AGAP3: variants seen among roughly 807,000 people sequenced by gnomAD.
AGAP3 encodes ArfGAP with GTPase domain, ankyrin repeat and PH domain 3, also known as arf-GAP with GTPase, ANK repeat and PH domain-containing protein 3.
A neutral mutation model predicts 96.9 loss-of-function variants in AGAP3; 24 were observed. The observed-to-expected ratio is 0.25, with a 90% CI of 0.18 to 0.35. The LOEUF (loss-of-function observed/expected upper bound fraction) is 0.35, where lower values mean the gene tolerates loss of function less well. Among genes scored for constraint, AGAP3 ranks in the 10% least tolerant of loss-of-function variants. AGAP3 has a pLI of 1.00. For synonymous variants in AGAP3, 563 were observed against 536.1 expected (o/e 1.05, Z -0.69); for missense variants, 876 against 1,254.2 (o/e 0.70, Z 4.55).
At chr7:151,097,842 G>A (rs1433630632) in intron 1 of AGAP3, among the ~76,000 whole-genome samples, 1 of 152,132 alleles carries the variant, frequency 6.6e-6, no homozygotes, top group Non-Finnish European at 1.5e-5. Flanking sequence ...CACACATCCA[G>A]ACCATATCAA....
chr7:151,093,801 A>G (rs1798491811), intron 1 of AGAP3, among the ~76,000 whole-genome samples: 2 of 152,190 alleles, frequency 1.3e-5, no homozygotes, highest in African/African-American at 4.8e-5. Context: ...CTGCTCTGCC[A>G]CTAACTGGCT....
rs1337446711 is a variant in AGAP3 at position 151,089,029 on chromosome 7, C to G, written c.331+1957C>G. On this transcript the variant is annotated intron_variant, in intron 1 of 17. Coordinates refer to ENST00000397238, the MANE Select transcript of AGAP3 (RefSeq NM_031946.7). ...CACATCCGTTCTCAGCCCTGCTGTT[C>G]CCACTCCTGGGCCCTGCTGCCCTGC... is the stretch of plus-strand genomic sequence containing the variant. Among the ~76,000 whole-genome samples the G allele has an allele frequency of 2.6e-5, 4 of 152,224 alleles. No homozygotes were observed. In the South Asian group the frequency reaches 8.3e-4, roughly 32 times the overall value.
chr7:151,114,609 G>A lies in AGAP3; in HGVS notation c.332-2184G>A. The A allele has an allele frequency of 3.0e-6, 2 of 662,110 alleles. No individual in the cohort carries two copies. The highest frequency in any genetic ancestry group is 3.8e-6 in the Non-Finnish European group (2 of 532,714). The allele number at this position is 662,110 out of a possible 1,614,324, so 41.0% of individuals were successfully genotyped here. The stretch of plus-strand genomic sequence containing the variant: ...GCTGGGCTGACTCCCGGCCTCTCCA[G>A]GTCTGGGCTTGCCGGCCGCGAGGTG... On this transcript the variant is annotated intron_variant, in intron 1 of 17. Transcript: ENST00000397238. The surrounding 1 kb of genome is among the most constrained non-coding windows in gnomAD (Gnocchi z 4.4).
At chr7:151,107,117 C>G (rs980638520) in intron 1 of AGAP3, among the ~76,000 whole-genome samples, 3 of 152,086 alleles carry the variant, frequency 2.0e-5, no homozygotes, top group African/African-American at 7.2e-5. Flanking sequence ...CGAGACCAGC[C>G]TGGCCAACAT....
chr7:151,142,283 TG>T lies in AGAP3; in HGVS notation c.2050+34del. On this transcript the variant is annotated intron_variant, in intron 15 of 17. Coordinates refer to ENST00000397238, the MANE Select transcript of AGAP3 (RefSeq NM_031946.7). The surrounding 1 kb of genome is among the most constrained non-coding windows in gnomAD (Gnocchi z 7.5). Reference sequence around the variant, plus strand: ...GTGCAAGGCTGGTGGGGCTGGGAGCTGGGGATGGCCCAGGGAAAGCTTCGCA... The same window carrying T: ...GTGCAAGGCTGGTGGGGCTGGGAGCTGGGATGGCCCAGGGAAAGCTTCGCA... The T allele has an allele frequency of 1.2e-6, 2 of 1,609,380 alleles. No homozygotes were observed. Among genetic ancestry groups the T allele is most frequent in the Non-Finnish European group, 8.5e-7 (1 of 1,177,968 alleles).
intron 1 of AGAP3, among the ~76,000 whole-genome samples, chr7:151,102,633 C>T (rs554503002): frequency 6.7e-6 from 1 of 150,250 alleles, no homozygotes; most frequent in South Asian, 2.1e-4. Flanking sequence ...TTTTTTGAGA[C>T]AGGGTCTCGC....
chr7:151,106,044 A>T (rs1229733871), intron 1 of AGAP3, among the ~76,000 whole-genome samples: 1 of 151,980 alleles, frequency 6.6e-6, no homozygotes, highest in African/African-American at 2.4e-5. Context: ...AGCACCCAAT[A>T]TTCCTTTGAA....
chr7:151,112,972 G>A (rs1799360624), intron 1 of AGAP3, among the ~76,000 whole-genome samples: 1 of 152,262 alleles, frequency 6.6e-6, no homozygotes, highest in South Asian at 2.1e-4. Flanking sequence ...GACCTCAGGT[G>A]ATCCGCCTGC....
In AGAP3 at chr7:151,138,310, C is replaced by A; in HGVS notation, c.1663C>A (p.Pro555Thr). The change falls in exon 12 of 18, where the codon CCT becomes ACT. Residue 555 changes from proline (P) to threonine (T), a missense_variant. Pro to Thr is a conservative substitution (Grantham distance 38). Coordinates refer to ENST00000397238, the MANE Select transcript of AGAP3 (RefSeq NM_031946.7). ...TTCCCTGCCCCCAGGCATGCAGCACCCTGGTGAGTGGTGGCTCTGCTGCTT... is the reference window on the plus strand; with the variant it reads ...TTCCCTGCCCCCAGGCATGCAGCACACTGGTGAGTGGTGGCTCTGCTGCTT... Reference protein sequence around the residue: ...TTSLPPGMQHPASGPAEVLSS... With the variant: ...TTSLPPGMQHTASGPAEVLSS... The A allele has an allele frequency of 6.2e-7, 1 of 1,609,370 alleles. No homozygotes were observed. The highest frequency in any genetic ancestry group is 1.7e-5 in the Admixed American group (1 of 59,790).
chr7:151,114,311 T>A lies in AGAP3; in HGVS notation c.332-2482T>A, dbSNP rs1205427679. 6.6e-6 allele frequency among the ~76,000 whole-genome samples: 1 copy of A among 152,250 alleles called. No homozygotes were observed. The highest frequency in any genetic ancestry group is 1.5e-5 in the Non-Finnish European group (1 of 68,044). On this transcript the variant is annotated intron_variant, in intron 1 of 17. Transcript: ENST00000397238. This position sits in a 1 kb window ranked among gnomAD's most constrained non-coding sequence, Gnocchi z 4.4. ...AGGCTTGTCATACTTCTGGGCCTCA[T>A]GTTCTTGGCTCTTCTGGCTCTTCCT...
At chr7:151,105,272 A>G (rs1320706541) in intron 1 of AGAP3, among the ~76,000 whole-genome samples, 1 of 152,180 alleles carries the variant, frequency 6.6e-6, no homozygotes, top group Non-Finnish European at 1.5e-5. Context: ...GTCTGTAAAC[A>G]TTTCAGAAAA....
chr7:151,107,069 G>T (rs1289501041), intron 1 of AGAP3, among the ~76,000 whole-genome samples: 3 of 152,108 alleles, frequency 2.0e-5, no homozygotes, highest in African/African-American at 4.8e-5. Flanking sequence ...CAGCACTTTG[G>T]GGGGCCAAGG....
chr7:151,093,825 C>T (rs1798492549), intron 1 of AGAP3, among the ~76,000 whole-genome samples: 1 of 152,162 alleles, frequency 6.6e-6, no homozygotes, highest in Non-Finnish European at 1.5e-5. Context: ...AGAGCTGGGG[C>T]AAGTCTGCTC....
intron 1 of AGAP3, among the ~76,000 whole-genome samples, chr7:151,111,133 T>G (rs1468509836): frequency 1.3e-5 from 2 of 152,234 alleles, no homozygotes; most frequent in Middle Eastern, 3.2e-3. Flanking sequence ...TGGCCCCCAC[T>G]GCCTCCCGGG....
At chr7:151,092,652 A>G (rs1798445230) in intron 1 of AGAP3, among the ~76,000 whole-genome samples, 1 of 152,172 alleles carries the variant, frequency 6.6e-6, no homozygotes, top group South Asian at 2.1e-4. Context: ...ATTTTCCCAG[A>G]GGAGGGTCTT....
In AGAP3 at chr7:151,134,562, G is replaced by T. The variant is rs2150522399; in HGVS notation, c.1489G>T (p.Gly497Cys). 6.2e-7 allele frequency: 1 copy of T among 1,608,296 alleles called. No homozygotes were observed. The highest frequency in any genetic ancestry group is 2.2e-5 in the East Asian group (1 of 44,694). ...VERSNTQLGGGTGAPHSASSA... is the reference protein window; with the variant it reads ...VERSNTQLGGCTGAPHSASSA... ...GCGGAGTAACACACAGCTGGGTGGG[G>T]GCACAGGTGAGGCGGCTGCTGAGGT... The change falls in exon 11 of 18, where the codon GGC becomes TGC. Residue 497 changes from glycine to cysteine, a missense_variant. Gly to Cys is a radical substitution (Grantham distance 159). Coordinates refer to ENST00000397238, the MANE Select transcript of AGAP3 (RefSeq NM_031946.7).
chr7:151,143,327 G>C lies in AGAP3; in HGVS notation c.2274-14G>C, dbSNP rs779480398. ...CCTTCCTTGGCTCATGCCCTGATGG[G>C]CCTGTGGTTGCAGAGAGGAGAAGGA... On this transcript the variant is annotated splice_polypyrimidine_tract_variant and intron_variant, in intron 16 of 17. Transcript: ENST00000397238. This position sits in a 1 kb window ranked among gnomAD's most constrained non-coding sequence, Gnocchi z 5.9. The C allele has an allele frequency of 6.9e-6, 11 of 1,601,962 alleles. No homozygotes were observed. Among genetic ancestry groups the C allele is most frequent in the Non-Finnish European group, 9.4e-6 (11 of 1,172,494 alleles).
At chr7:151,089,136 A>G (rs1585028123) in intron 1 of AGAP3, among the ~76,000 whole-genome samples, 1 of 143,316 alleles carries the variant, frequency 7.0e-6, no homozygotes, top group Non-Finnish European at 1.5e-5. Context: ...TTGCGTTCCC[A>G]CTTTTCTGCT....
intron 7 of AGAP3, 143 bp from the exon 8 acceptor site, chr7:151,119,844 A>G (rs1023993707): frequency 8.7e-6 from 6 of 691,576 alleles, no homozygotes; most frequent in Non-Finnish European, 1.4e-5. Context: ...TGTTCCCCCC[A>G]TATCATCTGT....
Sources: allele counts gnomAD v4.1 joint callset (sites outside exome capture counted in the v4.1 genomes callset), GRCh38; gene constraint gnomAD v4.1.1; non-coding constraint Gnocchi (gnomAD v3.1); transcripts MANE v1.5; gene names NCBI Gene and HGNC (gene_info 2026-07-23, HGNC 2026-07-21).